Variants in CHLSN observed in about 807,000 individuals in gnomAD.
CHLSN encodes the protein protein cholesin.
At chr7:1,062,050 T>G in the CHLSN span, among the ~76,000 whole-genome samples, 36 of 152,050 alleles carry the variant, frequency 2.4e-4, no homozygotes, top group African/African-American at 6.8e-4. Context: ...AGGATGCGAG[T>G]TTTTCAGCGC....
chr7:1,068,832 A>G, the CHLSN span, among the ~76,000 whole-genome samples: 1 of 152,168 alleles, frequency 6.6e-6, no homozygotes, highest in Admixed American at 6.5e-5. Flanking sequence ...GGGCTGCAAC[A>G]AAATGCAGCA....
At chr7:983,827 C>T in the CHLSN span, among the ~76,000 whole-genome samples, 2 of 152,232 alleles carry the variant, frequency 1.3e-5, no homozygotes, top group Non-Finnish European at 2.9e-5. Flanking sequence ...GGGAAGAGGA[C>T]CTGTGCCTCC....
the CHLSN span, among the ~76,000 whole-genome samples, chr7:1,019,097 C>T: frequency 0.072 from 10,727 of 149,806 alleles, 516 homozygotes; most frequent in South Asian, 0.15. Context: ...CGAGAGGCTG[C>T]GGCAGAACTG....
At chr7:1,077,550 C>G in the CHLSN span, among the ~76,000 whole-genome samples, 1 of 152,268 alleles carries the variant, frequency 6.6e-6, no homozygotes, top group East Asian at 1.9e-4. Flanking sequence ...TGAAGTTGCT[C>G]TGGCAGGGCT....
At chr7:988,767 G>A in the CHLSN span, 21 of 1,598,152 alleles carry the variant, frequency 1.3e-5, no homozygotes, top group East Asian at 2.0e-4. Flanking sequence ...ACGCCCGCCC[G>A]GGCTTTTACC....
chr7:1,116,687 C>G, the CHLSN span, among the ~76,000 whole-genome samples: 2 of 47,968 alleles, frequency 4.2e-5, no homozygotes, highest in Non-Finnish European at 3.5e-5. Flanking sequence ...ATGATGACAT[C>G]ACTACAGCTC....
At chr7:1,012,402 T>C in the CHLSN span, among the ~76,000 whole-genome samples, 1 of 152,186 alleles carries the variant, frequency 6.6e-6, no homozygotes, top group South Asian at 2.1e-4. Context: ...CCGTCCCATA[T>C]CGGGGCCAAG....
the CHLSN span, among the ~76,000 whole-genome samples, chr7:1,010,498 G>A: frequency 1.3e-5 from 2 of 152,230 alleles, no homozygotes; most frequent in Non-Finnish European, 2.9e-5. Context: ...GGCCCCCAGG[G>A]AGGGCTGAAG....
the CHLSN span, among the ~76,000 whole-genome samples, chr7:1,105,909 A>G: frequency 6.6e-6 from 1 of 152,228 alleles, no homozygotes; most frequent in Admixed American, 6.5e-5. Flanking sequence ...CCATGTATAA[A>G]TCAAATCTAT....
At chr7:1,113,232 A>C in the CHLSN span, among the ~76,000 whole-genome samples, 1 of 152,000 alleles carries the variant, frequency 6.6e-6, no homozygotes, top group East Asian at 1.9e-4. Flanking sequence ...TAATTTACTA[A>C]GAATCTACCG....
the CHLSN span, chr7:984,305 A>G: frequency 1.2e-5 from 17 of 1,406,072 alleles, no homozygotes; most frequent in Middle Eastern, 2.1e-4. Flanking sequence ...ACCTGCCCCC[A>G]TTTTCCCTCT....
the CHLSN span, among the ~76,000 whole-genome samples, chr7:1,014,802 C>T: frequency 1.3e-4 from 20 of 151,054 alleles, no homozygotes; most frequent in African/African-American, 4.2e-4. Flanking sequence ...GCCACGGCAG[C>T]GATCCGGCCA....
the CHLSN span, among the ~76,000 whole-genome samples, chr7:1,084,193 A>C: frequency 2.0e-5 from 3 of 152,332 alleles, no homozygotes; most frequent in African/African-American, 7.2e-5. Flanking sequence ...CTTTCTATAA[A>C]GGGGCTGCTG....
the CHLSN span, among the ~76,000 whole-genome samples, chr7:1,042,753 G>A: frequency 1.3e-5 from 2 of 152,304 alleles, no homozygotes; most frequent in East Asian, 3.9e-4. Flanking sequence ...GGACCAGACA[G>A]CACGGTGCAT....
the CHLSN span, among the ~76,000 whole-genome samples, chr7:1,012,127 C>T: frequency 3.9e-5 from 6 of 152,338 alleles, no homozygotes; most frequent in East Asian, 1.9e-4. Context: ...GGCCCAGCCT[C>T]GGCCCCCACT....
the CHLSN span, among the ~76,000 whole-genome samples, chr7:1,136,538 ATG>A: frequency 2.3e-5 from 3 of 131,220 alleles, no homozygotes; most frequent in Non-Finnish European, 4.7e-5. Context: ...AAACATATAT[ATG>A]AACATATATA....
At chr7:1,002,605 GA>G in the CHLSN span, among the ~76,000 whole-genome samples, 2 of 125,310 alleles carry the variant, frequency 1.6e-5, no homozygotes, top group Admixed American at 7.7e-5. Flanking sequence ...CCCTGTGGGT[GA>G]GTGGAGTCCT....
the CHLSN span, among the ~76,000 whole-genome samples, chr7:1,019,849 C>A: frequency 1.3e-5 from 2 of 152,222 alleles, no homozygotes; most frequent in African/African-American, 4.8e-5. Context: ...TCACTCCTGC[C>A]CTCCCAGGAA....
chr7:1,134,125 T>C, the CHLSN span, among the ~76,000 whole-genome samples: 1 of 152,040 alleles, frequency 6.6e-6, no homozygotes, highest in Non-Finnish European at 1.5e-5. Flanking sequence ...TTTTTTTAAT[T>C]CGCTGGGCAT....
Sources: gnomAD v4.1 joint callset for allele counts (sites outside exome capture counted in the v4.1 genomes callset) on GRCh38, gnomAD v4.1.1 for gene constraint, MANE v1.5 for transcripts, NCBI Gene and HGNC (gene_info 2026-07-23, HGNC 2026-07-21) for gene names.